ABCB11: variants seen among roughly 807,000 people sequenced by gnomAD.
ABCB11 encodes the protein bile salt export pump.
Under a neutral mutation model 148.0 loss-of-function variants are expected in ABCB11, and 95 were observed. The observed-to-expected ratio is 0.64, with a 90% confidence interval of 0.54 to 0.76. The LOEUF is 0.76. Among genes scored for constraint, ABCB11 ranks in the 30% least tolerant of loss-of-function variants. ABCB11 has a pLI of 0.00. For missense variants in ABCB11, 1,523 were observed against 1,617.8 expected, an observed-to-expected ratio of 0.94 and a Z score of 1.01; for synonymous variants, 591 against 555.4, an observed-to-expected ratio of 1.06 and a Z score of -0.90.
chr2:168,990,700 C>A, intron 9 of ABCB11, 101 bp downstream of exon 9: 2 of 1,468,782 alleles, frequency 1.4e-6, no homozygotes, highest in Non-Finnish European at 1.9e-6. Context: ...CTCTGGAGGC[C>A]ACAGACCAAG....
chr2:168,986,078 A>C (rs752848093), intron 10 of ABCB11, 32 bp downstream of exon 10: 1 of 1,451,864 alleles, frequency 6.9e-7, no homozygotes, highest in Non-Finnish European at 9.2e-7. Context: ...CCAGAAGGAA[A>C]TGCTATGTCT....
At position 168,979,990 on chromosome 2, in the gene ABCB11, AAG is replaced by A. The variant is rs538484351; in HGVS notation, c.1084-13_1084-12del. 469 of 1,521,776 alleles carry A rather than the reference AAG, an allele frequency of 3.1e-4. No individual in the cohort carries two copies. The highest frequency in any genetic ancestry group is 4.1e-4 in the Non-Finnish European group (446 of 1,097,864). The allele number at this position is 1,521,776 out of a possible 1,614,324, so 94.3% of individuals were successfully genotyped here. On this transcript the variant is annotated splice_polypyrimidine_tract_variant and intron_variant, in intron 10 of 27. Coordinates refer to ENST00000650372, the MANE Select transcript of ABCB11 (RefSeq NM_003742.4). ...GACACTGAGGAAAATCTGAAATGAA[AAG>A]AGAGAGATTTTTCATGTGTTTTTGT... is the stretch of plus-strand genomic sequence containing the variant.
rs1573957294 is a variant in ABCB11, at chr2:168,996,506, T to A, written c.477+129A>T. ...AGAAGAATCCCTCTCCATTCTCTCA[T>A]GTCCTCTGGAAACAGACTGTAGTTC... On this transcript the variant is annotated intron_variant, in intron 6 of 27. Transcript: ENST00000650372. 1.3e-5 allele frequency: 6 copies of A among 453,442 alleles called. No individual in the cohort carries two copies. The East Asian group carries it at 2.2e-4, about 17-fold the overall frequency. 28.1% of individuals were successfully genotyped at this position (453,442 alleles called of 1,614,324 possible). A position where few individuals can be genotyped will look rare whatever the true frequency, so the allele number is the denominator to read the frequency against.
chr2:169,018,767 C>T (rs1319634769), intron 1 of ABCB11, among the ~76,000 whole-genome samples: 3 of 152,114 alleles, frequency 2.0e-5, no homozygotes, highest in Admixed American at 6.6e-5. Context: ...TATAGACACT[C>T]GATTCAGCAT....
rs1691070882 is a variant in ABCB11, at chr2:168,921,425, G to A, written c.*2197C>T. Among the ~76,000 whole-genome samples the A allele has an allele frequency of 1.3e-5, 2 of 152,182 alleles. No homozygotes were observed. Among genetic ancestry groups the A allele is most frequent in the African/African-American group, 2.4e-5 (1 of 41,434 alleles). On this transcript the variant is annotated 3_prime_UTR_variant, in exon 28 of 28. Transcript: ENST00000650372. Reference sequence around the variant, plus strand: ...GGGAGAAAACATGATGGCAGGATAGGTTGGTGGGAACCGTGGGTGCAGTCC... The same window carrying A: ...GGGAGAAAACATGATGGCAGGATAGATTGGTGGGAACCGTGGGTGCAGTCC...
chr2:168,973,964 C>T, intron 12 of ABCB11, 124 bp from the exon 13 acceptor site: 2 of 1,048,482 alleles, frequency 1.9e-6, no homozygotes, highest in South Asian at 3.4e-5. Flanking sequence ...TGTATGCCCC[C>T]AAAGCAACGT....
Position 168,921,467 on chromosome 2 carries a change from A to G in ABCB11, c.*2155T>C, listed in dbSNP as rs1168435906. Among the ~76,000 whole-genome samples the G allele has an allele frequency of 1.3e-5, 2 of 152,076 alleles. No homozygotes were observed. Among genetic ancestry groups the G allele is most frequent in the African/African-American group, 4.8e-5 (2 of 41,400 alleles). ...GTGCAGTCCTGCTCCCAAGGTTTTC[A>G]TTTCTGTGACAAGAGCTCTTTTTTG... On this transcript the variant is annotated 3_prime_UTR_variant, in exon 28 of 28. Coordinates refer to ENST00000650372, the MANE Select transcript of ABCB11 (RefSeq NM_003742.4).
At chr2:168,965,500 A>G (rs1414503710) in intron 17 of ABCB11, among the ~76,000 whole-genome samples, 1 of 151,886 alleles carries the variant, frequency 6.6e-6, no homozygotes, top group African/African-American at 2.4e-5. Flanking sequence ...ATATCACTGA[A>G]GCTCTAGCCT....
intron 5 of ABCB11, among the ~76,000 whole-genome samples, chr2:169,010,640 G>A (rs956384501): frequency 3.9e-5 from 6 of 152,128 alleles, no homozygotes; most frequent in African/African-American, 1.4e-4. Flanking sequence ...CAGTTTGGGC[G>A]ACTTTGGAGG....
intron 19 of ABCB11, among the ~76,000 whole-genome samples, chr2:168,952,445 T>C (rs893030396): frequency 6.6e-6 from 1 of 151,644 alleles, no homozygotes; most frequent in Non-Finnish European, 1.5e-5. Context: ...TTCTTCCTGA[T>C]TTAATCTTGG....
At chr2:168,917,696 G>A (rs1036227692), downstream of ABCB11, among the ~76,000 whole-genome samples, 7 of 152,172 alleles carry the variant, frequency 4.6e-5, no homozygotes, top group Non-Finnish European at 1.0e-4. Context: ...AAGTTTCTGA[G>A]TACAGTGTAA....
rs4148795 is a variant in ABCB11 at position 168,964,109 on chromosome 2, T to C, written c.2178+97A>G. The C allele has an allele frequency of 0.27, 224,354 of 822,764 alleles. 34,477 individuals carry two copies. Among genetic ancestry groups the C allele is most frequent in the South Asian group, 0.45 (27,378 of 60,412 alleles). 51.0% of individuals were successfully genotyped at this position (822,764 alleles called of 1,614,324 possible). A position where few individuals can be genotyped will look rare whatever the true frequency, so the allele number is the denominator to read the frequency against. ...GTCTGACTTGAAACACTGCTAGATA[T>C]ATACCTAGAAAACTCATATTCTCAG... is the stretch of plus-strand genomic sequence containing the variant. On this transcript the variant is annotated intron_variant, in intron 18 of 27. Transcript: ENST00000650372.
chr2:168,990,263 T>C (rs1694467269), intron 9 of ABCB11, among the ~76,000 whole-genome samples: 1 of 152,146 alleles, frequency 6.6e-6, no homozygotes, highest in African/African-American at 2.4e-5. Flanking sequence ...AGACTTTTTA[T>C]TACTGATTCA....
chr2:168,972,064 G>T lies in ABCB11; in HGVS notation c.1435-14C>A. The T allele has an allele frequency of 6.2e-7, 1 of 1,608,472 alleles. No individual in the cohort carries two copies. Among genetic ancestry groups the T allele is most frequent in the Non-Finnish European group, 8.5e-7 (1 of 1,175,996 alleles). On this transcript the variant is annotated splice_polypyrimidine_tract_variant and intron_variant, in intron 13 of 27. Coordinates refer to ENST00000650372, the MANE Select transcript of ABCB11 (RefSeq NM_003742.4). Reference sequence around the variant, plus strand: ...ATCCACGGTCACCTAGAGAGCATGGGCACAACATCACAACTTTTGGAATCT... The same window carrying T: ...ATCCACGGTCACCTAGAGAGCATGGTCACAACATCACAACTTTTGGAATCT...
At chr2:169,015,361 T>C (rs1695321227) in intron 3 of ABCB11, among the ~76,000 whole-genome samples, 1 of 152,010 alleles carries the variant, frequency 6.6e-6, no homozygotes, top group Admixed American at 6.6e-5. Context: ...TGCCCTAAGC[T>C]TCCCTTCTGG....
chr2:168,924,283 G>A (rs1691207446), intron 27 of ABCB11, among the ~76,000 whole-genome samples: 1 of 152,112 alleles, frequency 6.6e-6, no homozygotes, highest in Middle Eastern at 3.2e-3. Context: ...CCACACATCA[G>A]ATATCACCTC....
At chr2:168,963,744 C>G (rs1693175979) in intron 18 of ABCB11, among the ~76,000 whole-genome samples, 1 of 151,772 alleles carries the variant, frequency 6.6e-6, no homozygotes, top group Non-Finnish European at 1.5e-5. Context: ...ATTTTGATAA[C>G]TTGTAATAAG....
intron 5 of ABCB11, among the ~76,000 whole-genome samples, chr2:169,005,060 G>C (rs954322235): frequency 1.3e-5 from 2 of 152,116 alleles, no homozygotes; most frequent in African/African-American, 4.8e-5. Context: ...GGCAGCAGGG[G>C]AGTGAAGTGG....
intron 19 of ABCB11, among the ~76,000 whole-genome samples, chr2:168,950,140 T>TATACAC (rs1169806270): frequency 6.9e-6 from 1 of 143,976 alleles, no homozygotes; most frequent in Non-Finnish European, 1.5e-5. Context: ...TATATATATA[T>TATACAC]ACACACACAC....
Sources: gnomAD v4.1 joint callset for allele counts (sites outside exome capture counted in the v4.1 genomes callset) on GRCh38, gnomAD v4.1.1 for gene constraint, MANE v1.5 for transcripts, NCBI Gene and HGNC (gene_info 2026-07-23, HGNC 2026-07-21) for gene names.